ANKRD22: variants seen among roughly 807,000 people sequenced by gnomAD.
The protein encoded by ANKRD22 is ankyrin repeat domain-containing protein 22.
Under a neutral mutation model 25.7 loss-of-function variants are expected in ANKRD22, and 24 were observed. That is an observed-to-expected ratio of 0.93 (90% confidence interval 0.68 to 1.31). The LOEUF (loss-of-function observed/expected upper bound fraction) is 1.31. Ranked by LOEUF, ANKRD22 falls within the 50% of genes most tolerant of loss-of-function variation. The pLI is 0.00. For synonymous variants in ANKRD22, 84 were observed against 84.3 expected (o/e 1.00, Z 0.02); for missense variants, 214 against 227.1 (o/e 0.94, Z 0.37).
intron 1 of ANKRD22, among the ~76,000 whole-genome samples, chr10:88,847,775 C>A (rs79569523): frequency 0.036 from 5,446 of 150,950 alleles, 151 homozygotes; most frequent in East Asian, 0.17. Context: ...TAAAAAAAAA[C>A]CCCAAAAAAC....
At chr10:88,843,819 A>T (rs1365048866) in intron 1 of ANKRD22, among the ~76,000 whole-genome samples, 1 of 152,150 alleles carries the variant, frequency 6.6e-6, no homozygotes, top group Non-Finnish European at 1.5e-5. Flanking sequence ...ACATTCTTGT[A>T]ACTCTCACAT....
intron 4 of ANKRD22, among the ~76,000 whole-genome samples, chr10:88,824,568 A>G (rs973661334): frequency 1.3e-5 from 2 of 152,158 alleles, no homozygotes; most frequent in Non-Finnish European, 2.9e-5. Context: ...TTTTTGAAAA[A>G]ATTTTGGTAT....
intron 1 of ANKRD22, among the ~76,000 whole-genome samples, chr10:88,846,420 C>T (rs1229251168): frequency 6.6e-6 from 1 of 152,108 alleles, no homozygotes; most frequent in African/African-American, 2.4e-5. Flanking sequence ...AATAAAGTCA[C>T]ATTTGGGGAA....
chr10:88,823,467 C>A, intron 4 of ANKRD22, 89 bp from the exon 5 acceptor site: 1 of 929,784 alleles, frequency 1.1e-6, no homozygotes, highest in Non-Finnish European at 1.8e-6. Flanking sequence ...CCTTTTCACA[C>A]TTTGTAGTAT....
intron 4 of ANKRD22, among the ~76,000 whole-genome samples, 172 bp downstream of exon 4, chr10:88,825,866 A>C (rs554154288): frequency 3.3e-5 from 5 of 152,356 alleles, no homozygotes; most frequent in African/African-American, 1.2e-4. Flanking sequence ...TGAGTTCAGC[A>C]GAATATAAAT....
intron 1 of ANKRD22, among the ~76,000 whole-genome samples, chr10:88,839,046 C>T (rs960703065): frequency 1.3e-5 from 2 of 152,190 alleles, no homozygotes; most frequent in Non-Finnish European, 2.9e-5. Flanking sequence ...CTTTTCTCTT[C>T]AGCCTCATCT....
At position 88,823,910 on chromosome 10, in the gene ANKRD22, TG is replaced by T. The variant is rs369923139; in HGVS notation, c.400-533del. ...TATAAGCCATCAATCTCTGCCTTTT[TG>T]TTTTCCATTTTCTGTTCTAAAGAAT... On this transcript the variant is annotated intron_variant, in intron 4 of 5. Coordinates refer to ENST00000371930, the MANE Select transcript of ANKRD22 (RefSeq NM_144590.3). Among the ~76,000 whole-genome samples the T allele has an allele frequency of 4.6e-4, 70 of 152,306 alleles. 1 individual carries two copies. The East Asian group carries it at 8.9e-3, about 19-fold the overall frequency.
chr10:88,840,395 G>A (rs1218838685), intron 1 of ANKRD22, among the ~76,000 whole-genome samples: 1 of 152,170 alleles, frequency 6.6e-6, no homozygotes, highest in African/African-American at 2.4e-5. Context: ...TATTTTAATA[G>A]TGTAGAAACA....
intron 1 of ANKRD22, among the ~76,000 whole-genome samples, chr10:88,849,889 C>T (rs904910093): frequency 4.6e-5 from 7 of 152,042 alleles, no homozygotes; most frequent in South Asian, 2.1e-4. Flanking sequence ...CCCTCATTCT[C>T]TCCTTCTTTC....
At chr10:88,848,767 A>G (rs1844076776) in intron 1 of ANKRD22, among the ~76,000 whole-genome samples, 1 of 152,134 alleles carries the variant, frequency 6.6e-6, no homozygotes, top group South Asian at 2.1e-4. Context: ...CTTTCAGTCC[A>G]ATGGCCATTC....
rs1450694909 is a variant in ANKRD22 at position 88,822,198 on chromosome 10, CA to C, written c.*742del. ...AAAGTAAAAAACAAAAAAACAAAAA[CA>C]AACTCTGATTTGTCAATTTGCCAAT... On this transcript the variant is annotated 3_prime_UTR_variant, in exon 6 of 6. Coordinates refer to ENST00000371930, the MANE Select transcript of ANKRD22 (RefSeq NM_144590.3). The C allele has an allele frequency of 6.6e-6, 1 of 152,096 alleles. No individual in the cohort carries two copies. The highest frequency in any genetic ancestry group is 6.5e-5 in the Admixed American group (1 of 15,274). The allele number at this position is 152,096 out of a possible 1,614,324, so 9.4% of individuals were successfully genotyped here.
intron 2 of ANKRD22, among the ~76,000 whole-genome samples, chr10:88,829,731 T>C (rs960296956): frequency 6.6e-6 from 1 of 152,258 alleles, no homozygotes; most frequent in African/African-American, 2.4e-5. Context: ...TGTATTTAGC[T>C]AAGCCCTGCC....
At position 88,821,897 on chromosome 10, in the gene ANKRD22, G is replaced by A. The variant is rs375579011; in HGVS notation, c.*1044C>T. ...AAGTGAGACAGATATTTTGATATTCGCAATCTCTCACTTAGACAAATAATC... is the reference window on the plus strand; with the variant it reads ...AAGTGAGACAGATATTTTGATATTCACAATCTCTCACTTAGACAAATAATC... On this transcript the variant is annotated 3_prime_UTR_variant, in exon 6 of 6. Coordinates refer to ENST00000371930, the MANE Select transcript of ANKRD22 (RefSeq NM_144590.3). 1.2e-4 allele frequency among the ~76,000 whole-genome samples: 18 copies of A among 152,204 alleles called. No individual in the cohort carries two copies. The highest frequency in any genetic ancestry group is 7.7e-4 in the East Asian group (4 of 5,184).
intron 1 of ANKRD22, among the ~76,000 whole-genome samples, chr10:88,834,700 C>T (rs531228705): frequency 2.6e-5 from 4 of 152,214 alleles, no homozygotes; most frequent in Admixed American, 6.5e-5. Flanking sequence ...TTTGGGAGGC[C>T]GAGGTGGGTG....
intron 1 of ANKRD22, among the ~76,000 whole-genome samples, chr10:88,846,004 C>A (rs1413878558): frequency 1.3e-5 from 2 of 152,134 alleles, no homozygotes; most frequent in African/African-American, 4.8e-5. Context: ...GATTCAGAAC[C>A]ATTTCAGCTA....
intron 3 of ANKRD22, 71 bp downstream of exon 3, chr10:88,828,481 TCACTGGC>T: frequency 1.8e-6 from 2 of 1,092,086 alleles, no homozygotes; most frequent in Non-Finnish European, 2.7e-6. Context: ...TTTCAACATC[TCACTGGC>T]CTGGCAAGAG....
intron 1 of ANKRD22, among the ~76,000 whole-genome samples, chr10:88,840,235 A>G (rs998670999): frequency 2.6e-5 from 4 of 152,190 alleles, no homozygotes; most frequent in Admixed American, 1.3e-4. Flanking sequence ...AAAATTTAAG[A>G]AGCGTCCATG....
In ANKRD22 at chr10:88,828,591, T is replaced by C; in HGVS notation, c.289A>G (p.Met97Val). The C allele has an allele frequency of 6.2e-7, 1 of 1,610,410 alleles. No individual in the cohort carries two copies. Among genetic ancestry groups the C allele is most frequent in the Non-Finnish European group, 8.5e-7 (1 of 1,177,444 alleles). ...AAATACCCAATAAGCAGAACAGGCA[T>C]TAAGAGGATAATTAGTAGATAATCA... Reference protein sequence around the residue: ...FIDYLLIILLMPVLLIGYFLM... With the variant: ...FIDYLLIILLVPVLLIGYFLM... The change falls in exon 3 of 6, where the codon ATG (methionine) becomes GTG (valine). Residue 97 changes from methionine to valine, a missense_variant. Coordinates refer to ENST00000371930, the MANE Select transcript of ANKRD22 (RefSeq NM_144590.3).
At chr10:88,832,156 G>T in intron 1 of ANKRD22, 130 bp from the exon 2 acceptor site, 1 of 1,017,630 alleles carries the variant, frequency 9.8e-7, no homozygotes, top group Non-Finnish European at 1.4e-6. Flanking sequence ...CTTTGCAGGT[G>T]AGATTTTTTG....
Sources: allele counts gnomAD v4.1 joint callset (sites outside exome capture counted in the v4.1 genomes callset), GRCh38; gene constraint gnomAD v4.1.1; transcripts MANE v1.5; gene names NCBI Gene and HGNC (gene_info 2026-07-23, HGNC 2026-07-21).